Variants in TOM1L2 observed in about 807,000 individuals in gnomAD.
TOM1L2 encodes the protein target of myb1 like 2 membrane trafficking protein.
Under a neutral mutation model 67.9 loss-of-function variants are expected in TOM1L2, and 31 were observed. That is an observed-to-expected ratio of 0.46 (90% CI 0.34 to 0.62). The LOEUF (loss-of-function observed/expected upper bound fraction) is 0.62, where lower values mean the gene tolerates loss of function less well. Ranked by LOEUF, TOM1L2 falls within the 20% of genes least tolerant of loss-of-function variation. The pLI, the probability that TOM1L2 is intolerant of heterozygous loss-of-function variation, is 0.01. For missense variants in TOM1L2, 606 were observed against 663.5 expected, an observed-to-expected ratio of 0.91 and a Z score of 0.95; for synonymous variants, 256 against 254.0, an observed-to-expected ratio of 1.01 and a Z score of -0.07.
Position 17,936,803 on chromosome 17 carries a change from A to G in TOM1L2, c.53-29272T>C, listed in dbSNP as rs531489229. Among the ~76,000 whole-genome samples the G allele has an allele frequency of 1.0e-3, 156 of 152,352 alleles. 1 individual carries two copies. Among genetic ancestry groups the G allele is most frequent in the Admixed American group, 4.5e-3 (69 of 15,300 alleles). On this transcript the variant is annotated intron_variant, in intron 1 of 14. Transcript: ENST00000379504. ...TTTTAATAATACAGGAAGAAAATAC[A>G]CCAAAATGTTTATAGTAGTAACCTT...
At chr17:17,867,488 C>T (rs890890128) in intron 8 of TOM1L2, among the ~76,000 whole-genome samples, 2 of 152,216 alleles carry the variant, frequency 1.3e-5, no homozygotes, top group Non-Finnish European at 1.5e-5. Flanking sequence ...TGAGTGTCCT[C>T]TGCACCCAGT....
At chr17:17,960,906 G>A (rs550418562) in intron 1 of TOM1L2, among the ~76,000 whole-genome samples, 2 of 152,078 alleles carry the variant, frequency 1.3e-5, no homozygotes, top group African/African-American at 4.8e-5. Context: ...GGCATGACAC[G>A]GAAGGTACAA....
intron 1 of TOM1L2, among the ~76,000 whole-genome samples, chr17:17,950,688 C>G (rs1568363305): frequency 1.3e-5 from 2 of 152,096 alleles, no homozygotes; most frequent in Non-Finnish European, 2.9e-5. Context: ...TTTTATGTTA[C>G]TTTAGATTAA....
intron 1 of TOM1L2, among the ~76,000 whole-genome samples, chr17:17,925,431 T>C (rs550189616): frequency 1.1e-4 from 17 of 152,266 alleles, no homozygotes; most frequent in African/African-American, 3.9e-4. Context: ...AAATTTTTTA[T>C]GTTATTACTG....
chr17:17,858,750 T>G (rs555889816), intron 12 of TOM1L2: 2 of 152,210 alleles, frequency 1.3e-5, no homozygotes, highest in Non-Finnish European at 2.9e-5. Flanking sequence ...GCCCAGCTAA[T>G]TTTTGTATTT....
intron 11 of TOM1L2, 47 bp from the exon 12 acceptor site, chr17:17,861,598 G>A (rs1170741049): frequency 3.3e-6 from 5 of 1,520,522 alleles, no homozygotes; most frequent in East Asian, 2.3e-5. Flanking sequence ...TCCTCCAGTG[G>A]TCATGGAGGG....
chr17:17,903,214 C>T (rs2038934552), intron 2 of TOM1L2, among the ~76,000 whole-genome samples: 1 of 152,230 alleles, frequency 6.6e-6, no homozygotes, highest in East Asian at 1.9e-4. Context: ...TGTTTATATG[C>T]CTGCATTCCT....
At chr17:17,898,857 C>T (rs1041050371) in intron 2 of TOM1L2, among the ~76,000 whole-genome samples, 183 bp from the exon 3 acceptor site, 1 of 152,188 alleles carries the variant, frequency 6.6e-6, no homozygotes, top group Non-Finnish European at 1.5e-5. Context: ...ATCATTGACA[C>T]AATGGAATAC....
chr17:17,847,792 C>T lies in TOM1L2; in HGVS notation c.1376-9G>A, dbSNP rs1331801921. On this transcript the variant is annotated splice_polypyrimidine_tract_variant and intron_variant, in intron 14 of 14. Coordinates refer to ENST00000379504, the MANE Select transcript of TOM1L2 (RefSeq NM_001082968.2). ...AAGGAATTTATCAAACTCTGCAATA[C>T]AAACCAAGGCAAGGGTCAGGGTTGG... 1.5e-5 allele frequency: 24 copies of T among 1,613,900 alleles called. No homozygotes were observed. The highest frequency in any genetic ancestry group is 1.9e-5 in the Non-Finnish European group (23 of 1,179,930).
chr17:17,881,439 C>T (rs896930231), intron 6 of TOM1L2, among the ~76,000 whole-genome samples: 1 of 152,176 alleles, frequency 6.6e-6, no homozygotes, highest in Non-Finnish European at 1.5e-5. Context: ...CTAGGAGGGC[C>T]TTCCCAAGCA....
chr17:17,954,312 C>CTT lies in TOM1L2; in HGVS notation c.52+17948_52+17949dup, dbSNP rs5819638. Among the ~76,000 whole-genome samples the CTT allele has an allele frequency of 9.3e-3, 1,250 of 134,666 alleles. 31 individuals carry two copies. Among genetic ancestry groups the CTT allele is most frequent in the African/African-American group, 0.023 (819 of 36,160 alleles). 88.3% of individuals were successfully genotyped at this position (134,666 alleles called of 152,430 possible). A position where few individuals can be genotyped will look rare whatever the true frequency, so the allele number is the denominator to read the frequency against. ...CACCAGGCTACATTTATAAATCATT[C>CTT]TTTTTTTTTTTTTTTTTGTGATGGA... On this transcript the variant is annotated intron_variant, in intron 1 of 14. Transcript: ENST00000379504.
chr17:17,896,702 C>A (rs942578990), intron 3 of TOM1L2, among the ~76,000 whole-genome samples: 1 of 152,154 alleles, frequency 6.6e-6, no homozygotes, highest in African/African-American at 2.4e-5. Context: ...AGCCAAAAGC[C>A]ATGGAGAAAG....
At chr17:17,953,922 T>G (rs1359454303) in intron 1 of TOM1L2, among the ~76,000 whole-genome samples, 3 of 152,260 alleles carry the variant, frequency 2.0e-5, no homozygotes, top group African/African-American at 7.2e-5. Flanking sequence ...TGCCTTCCCT[T>G]GTACCCTGTA....
Position 17,882,818 on chromosome 17 carries a change from A to G in TOM1L2, c.547T>C (p.Ser183Pro). 7 of 1,614,162 alleles carry G rather than the reference A, an allele frequency of 4.3e-6. No homozygotes were observed. The South Asian group carries it at 5.5e-5, about 13-fold the overall frequency. The change falls in exon 6 of 15, where the codon TCA becomes CCA. Residue 183 changes from serine (S) to proline (P), a missense_variant. Coordinates refer to ENST00000379504, the MANE Select transcript of TOM1L2 (RefSeq NM_001082968.2). ...DPAATMPRSQ[S>P]QQRTSAGSYS... ...GAACCAGCACTTGTCCTCTGCTGTGATTGGGACCTGGGCATGGTCGCAGCT... is the reference window on the plus strand; with the variant it reads ...GAACCAGCACTTGTCCTCTGCTGTGGTTGGGACCTGGGCATGGTCGCAGCT...
At chr17:17,931,466 C>CT (rs1384374618) in intron 1 of TOM1L2, among the ~76,000 whole-genome samples, 1 of 152,196 alleles carries the variant, frequency 6.6e-6, no homozygotes, top group Admixed American at 6.5e-5. Context: ...GTTTCCACAT[C>CT]TATAGAACAG....
chr17:17,963,535 G>A lies in TOM1L2; in HGVS notation c.52+8727C>T, dbSNP rs372997989. Among the ~76,000 whole-genome samples the A allele has an allele frequency of 3.1e-3, 475 of 152,268 alleles. 24 individuals carry two copies. In the South Asian group the frequency reaches 0.094, roughly 30 times the overall value. ...CCTTTAAGTCTCTATTTCTTCACCT[G>A]TAAGATGAAGATAACAGTGCTTCCA... is the stretch of plus-strand genomic sequence containing the variant. On this transcript the variant is annotated intron_variant, in intron 1 of 14. Transcript: ENST00000379504.
At chr17:17,917,502 T>C (rs142813882) in intron 1 of TOM1L2, among the ~76,000 whole-genome samples, 410 of 126,228 alleles carry the variant, frequency 3.2e-3, no homozygotes, top group Middle Eastern at 4.1e-3. Context: ...TCTTGCTATG[T>C]TGCCCAGTCT....
intron 1 of TOM1L2, among the ~76,000 whole-genome samples, chr17:17,913,487 G>A (rs1450690416): frequency 6.6e-6 from 1 of 152,062 alleles, no homozygotes; most frequent in African/African-American, 2.4e-5. Flanking sequence ...AATGAATGCT[G>A]CAGAATGGAA....
rs2035643760 is a variant in TOM1L2, at chr17:17,846,373, G to A, written c.*1262C>T. On this transcript the variant is annotated 3_prime_UTR_variant, in exon 15 of 15. Transcript: ENST00000379504. ...AGCCTGGTGGGAGGTGTGGGGCCAG[G>A]TGTCTGGCTGGACCAGGGCCTGGGA... 1 of 152,476 alleles carries A rather than the reference G, an allele frequency of 6.6e-6. No individual in the cohort carries two copies. The highest frequency in any genetic ancestry group is 6.5e-5 in the Admixed American group (1 of 15,296). 9.4% of individuals were successfully genotyped at this position (152,476 alleles called of 1,614,324 possible).
Sources: gnomAD v4.1 joint callset for allele counts (sites outside exome capture counted in the v4.1 genomes callset) on GRCh38, gnomAD v4.1.1 for gene constraint, MANE v1.5 for transcripts, NCBI Gene and HGNC (gene_info 2026-07-23, HGNC 2026-07-21) for gene names.